Variants in XPNPEP2 observed in about 807,000 individuals in gnomAD.
XPNPEP2 encodes the protein X-prolyl aminopeptidase 2.
XPNPEP2 carries 64 observed loss-of-function variants against 59.8 expected under a neutral mutation model. The ratio of observed to expected loss-of-function variants is 1.07; its 90% CI spans 0.87 to 1.32. XPNPEP2 has a LOEUF of 1.32. Among genes scored for constraint, XPNPEP2 ranks in the 40% most tolerant of loss-of-function variants. The probability of loss-of-function intolerance (pLI) is 0.00; values close to 1 mark genes in which losing one functional copy is unlikely to be tolerated. For missense variants in XPNPEP2, 575 were observed against 546.8 expected, an observed-to-expected ratio of 1.05 and a Z score of -0.51; for synonymous variants, 235 against 210.0, an observed-to-expected ratio of 1.12 and a Z score of -1.03.
At chrX:129,761,147 G>A in intron 16 of XPNPEP2, 25 bp from the exon 17 acceptor site, 2 of 1,195,416 alleles carry the variant, frequency 1.7e-6, no homozygotes, top group Non-Finnish European at 2.3e-6. Context: ...CCATCTGACT[G>A]GGGTCAATCT....
intron 7 of XPNPEP2, among the ~76,000 whole-genome samples, chrX:129,748,268 G>T (rs1926336868): frequency 1.8e-5 from 2 of 112,327 alleles, no homozygotes; most frequent in African/African-American, 6.5e-5. Context: ...ACAGATTACA[G>T]TTCAGGTTTT....
At chrX:129,763,736 A>G (rs764828638) in intron 19 of XPNPEP2, among the ~76,000 whole-genome samples, 1 of 111,761 alleles carries the variant, frequency 8.9e-6, no homozygotes, top group Admixed American at 9.5e-5. Context: ...TAACTAAAAC[A>G]GTATGACACT....
chrX:129,747,861 C>CA, intron 7 of XPNPEP2, 108 bp downstream of exon 7: 1 of 1,091,270 alleles, frequency 9.2e-7, no homozygotes, highest in Non-Finnish European at 1.3e-6. Flanking sequence ...CAGTGGTTTG[C>CA]AAACCTTAGC....
intron 14 of XPNPEP2, among the ~76,000 whole-genome samples, chrX:129,758,323 G>T (rs989901616): frequency 9.0e-6 from 1 of 111,381 alleles, no homozygotes; most frequent in African/African-American, 3.3e-5. Context: ...GGAATGGGGT[G>T]TGCTCAGAGT....
chrX:129,761,580 G>A (rs1926657132), intron 17 of XPNPEP2, among the ~76,000 whole-genome samples: 1 of 112,280 alleles, frequency 8.9e-6, no homozygotes, highest in African/African-American at 3.2e-5. Flanking sequence ...CCACTGCTTT[G>A]GGAGGCCAAG....
chrX:129,763,145 G>T (rs767249254), intron 19 of XPNPEP2, among the ~76,000 whole-genome samples: 2 of 111,786 alleles, frequency 1.8e-5, no homozygotes, highest in Non-Finnish European at 3.8e-5. Context: ...ACTTAAAAAG[G>T]CTTACATGGA....
chrX:129,742,080 G>GC, intron 1 of XPNPEP2, 28 bp from the exon 2 acceptor site: 2 of 1,198,365 alleles, frequency 1.7e-6, no homozygotes, highest in Non-Finnish European at 2.3e-6. Context: ...GTCCCCAAAT[G>GC]ACCCTGGATT....
At chrX:129,750,410 C>A in intron 7 of XPNPEP2, 58 bp from the exon 8 acceptor site, 1 of 1,004,579 alleles carries the variant, frequency 1.0e-6, no homozygotes, top group Non-Finnish European at 1.4e-6. Context: ...CTTCCAGGAA[C>A]CGAGTGCCAA....
In XPNPEP2 at chrX:129,757,827, GAAAGA is replaced by G. The variant is rs1297063154; in HGVS notation, c.1367+1275_1367+1279del. 1.6e-4 allele frequency among the ~76,000 whole-genome samples: 14 copies of G among 84,920 alleles called. 1 individual carries two copies. Among genetic ancestry groups the G allele is most frequent in the African/African-American group, 2.8e-4 (6 of 21,247 alleles). The allele number at this position is 84,920 out of a possible 115,157, so 73.7% of individuals were successfully genotyped here. On this transcript the variant is annotated intron_variant, in intron 14 of 20. Coordinates refer to ENST00000371106, the MANE Select transcript of XPNPEP2 (RefSeq NM_003399.6). ...AGAAAGAAAGAAAGAAAGAAAGAAAGAAAGAAAGAAAGAAAGAAAGAAAGAAAGAA... is the reference window on the plus strand; with the variant it reads ...AGAAAGAAAGAAAGAAAGAAAGAAAGAAGAAAGAAAGAAAGAAAGAAAGAA...
intron 19 of XPNPEP2, among the ~76,000 whole-genome samples, chrX:129,765,900 A>C (rs915209345): frequency 1.8e-5 from 2 of 111,646 alleles, no homozygotes; most frequent in African/African-American, 3.3e-5. Flanking sequence ...GGCCTCCCAA[A>C]GTTCTGGATT....
chrX:129,749,181 T>C (rs1194661487), intron 7 of XPNPEP2, among the ~76,000 whole-genome samples: 3 of 111,610 alleles, frequency 2.7e-5, no homozygotes, highest in Non-Finnish European at 5.6e-5. Flanking sequence ...GTATGAAATA[T>C]CCAGCACTGG....
Position 129,744,089 on chromosome X carries a change from T to TC in XPNPEP2, c.234+23dup. The TC allele has an allele frequency of 4.2e-6, 5 of 1,183,987 alleles. No individual in the cohort carries two copies. The highest frequency in any genetic ancestry group is 5.7e-6 in the Non-Finnish European group (5 of 871,658). ...CTCACATGGTAAGAGACAGCTTCTC[T>TC]CCCCCTTGCCCTCTCTGCTACCCTG... On this transcript the variant is annotated intron_variant, in intron 3 of 20. Coordinates refer to ENST00000371106, the MANE Select transcript of XPNPEP2 (RefSeq NM_003399.6).
In XPNPEP2 at chrX:129,765,619, T is replaced by C. The variant is rs181444571; in HGVS notation, c.1741-1984T>C. On this transcript the variant is annotated intron_variant, in intron 19 of 20. Transcript: ENST00000371106. Reference sequence around the variant, plus strand: ...TTGTTGTTTTGACTTGTATTTCTTTTTTTCTTTCTTTCTTTCTTTTTTTTT... The same window carrying C: ...TTGTTGTTTTGACTTGTATTTCTTTCTTTCTTTCTTTCTTTCTTTTTTTTT... Among the ~76,000 whole-genome samples, 420 of 103,601 alleles carry C rather than the reference T, an allele frequency of 4.1e-3. 2 individuals are homozygous for C. Among genetic ancestry groups the C allele is most frequent in the African/African-American group, 0.014 (379 of 27,726 alleles). The allele number at this position is 103,601 out of a possible 115,157, so 90.0% of individuals were successfully genotyped here.
intron 13 of XPNPEP2, 148 bp from the exon 14 acceptor site, chrX:129,756,336 T>C: frequency 1.9e-6 from 1 of 528,618 alleles, no homozygotes; most frequent in South Asian, 2.8e-5. Flanking sequence ...GGAAGCTGAG[T>C]TCTCTTCCAG....
rs1052953228 is a variant in XPNPEP2 at position 129,754,144 on chromosome X, A to G, written c.1108-328A>G. On this transcript the variant is annotated intron_variant, in intron 11 of 20. Transcript: ENST00000371106. ...CATAATCTCCAGTGTCCCTTCATCCAGCTTCAATAATCCTTGACTCATGGC... is the reference window on the plus strand; with the variant it reads ...CATAATCTCCAGTGTCCCTTCATCCGGCTTCAATAATCCTTGACTCATGGC... Among the ~76,000 whole-genome samples the G allele has an allele frequency of 2.7e-5, 3 of 111,945 alleles. No individual in the cohort carries two copies. The Admixed American group carries it at 2.8e-4, about 11-fold the overall frequency.
At position 129,739,582 on chromosome X, in the gene XPNPEP2, C is replaced by T. The variant is rs569592598; in HGVS notation, c.49+320C>T. ...CAACTCTGATTACAGAAAAGACTTCCAGGGATCTGTAGCCAAGGAGCAGAG... is the reference window on the plus strand; with the variant it reads ...CAACTCTGATTACAGAAAAGACTTCTAGGGATCTGTAGCCAAGGAGCAGAG... On this transcript the variant is annotated intron_variant, in intron 1 of 20. Transcript: ENST00000371106. Among the ~76,000 whole-genome samples the T allele has an allele frequency of 5.3e-5, 6 of 112,304 alleles. No individual in the cohort carries two copies. In the South Asian group the frequency reaches 1.9e-3, roughly 35 times the overall value.
At chrX:129,757,820 A>AAAGAAAGAAAG (rs1926559883) in intron 14 of XPNPEP2, among the ~76,000 whole-genome samples, 4 of 90,942 alleles carry the variant, frequency 4.4e-5, no homozygotes, top group Non-Finnish European at 8.6e-5. Flanking sequence ...AGAAAGAAAG[A>AAAGAAAGAAAG]AAGAAAGAAA....
intron 2 of XPNPEP2, 62 bp from the exon 3 acceptor site, chrX:129,743,899 T>C: frequency 9.3e-7 from 1 of 1,076,807 alleles, no homozygotes; most frequent in East Asian, 3.0e-5. Context: ...CAGATGTCAT[T>C]TTCTCTAAGC....
chrX:129,768,319 C>T lies in XPNPEP2; in HGVS notation c.1859C>T (p.Thr620Ile). 2 of 1,193,744 alleles carry T rather than the reference C, an allele frequency of 1.7e-6. No individual in the cohort carries two copies. The highest frequency in any genetic ancestry group is 2.3e-6 in the Non-Finnish European group (2 of 887,758). Residue 620 changes from threonine (T) to isoleucine (I), a missense_variant, in exon 21 of 21, where the codon ACC becomes ATC. Transcript: ENST00000371106. Reference protein sequence around the residue: ...HLQYLNRYYQTIREKVGPELQ... With the variant: ...HLQYLNRYYQIIREKVGPELQ... ...CAGTACCTGAATCGCTACTACCAGA[C>T]CATCCGGGAGAAGGTGGGTCCAGAG...
Sources: gnomAD v4.1 joint callset for allele counts (sites outside exome capture counted in the v4.1 genomes callset) on GRCh38, gnomAD v4.1.1 for gene constraint, MANE v1.5 for transcripts, NCBI Gene and HGNC (gene_info 2026-07-23, HGNC 2026-07-21) for gene names.